Variants in NGB observed in about 807,000 individuals in gnomAD.
The protein encoded by NGB is nitrite reductase.
In NGB, 12 loss-of-function variants were observed where a neutral mutation model predicts 17.3. The observed-to-expected ratio is 0.69, with a 90% CI of 0.45 to 1.13. NGB has a LOEUF of 1.13. Ranked by LOEUF, NGB falls within the 50% of genes most tolerant of loss-of-function variation. The probability of loss-of-function intolerance (pLI) is 0.00; values close to 1 mark genes in which losing one functional copy is unlikely to be tolerated. For missense variants in NGB, 195 were observed against 191.7 expected, an observed-to-expected ratio of 1.02 and a Z score of -0.10; for synonymous variants, 87 against 81.0, an observed-to-expected ratio of 1.07 and a Z score of -0.40.
At chr14:77,268,036 G>C (rs112108588) in intron 3 of NGB, among the ~76,000 whole-genome samples, 5 of 152,334 alleles carry the variant, frequency 3.3e-5, no homozygotes, top group African/African-American at 1.2e-4. Context: ...AGAGCTCAAA[G>C]GCTGACAGGC....
chr14:77,267,786 G>T (rs896528671), intron 3 of NGB, among the ~76,000 whole-genome samples: 1 of 152,056 alleles, frequency 6.6e-6, no homozygotes, highest in Non-Finnish European at 1.5e-5. Context: ...CATATCAGTC[G>T]CCCCCAGTGG....
chr14:77,267,360 G>A (rs1033262863), intron 3 of NGB, among the ~76,000 whole-genome samples: 4 of 152,048 alleles, frequency 2.6e-5, no homozygotes, highest in African/African-American at 9.7e-5. Flanking sequence ...GGTAAACATG[G>A]GAAAACTCCA....
rs755820543 is a variant in NGB, at chr14:77,268,554, T to C, written c.233A>G (p.Asn78Ser). Residue 78 changes from asparagine to serine, a missense_variant, in exon 3 of 4, where the codon AAT becomes AGT. Coordinates refer to ENST00000298352, the MANE Select transcript of NGB (RefSeq NM_021257.4). Reference sequence around the variant, plus strand: ...CTCCAGTGAGGACAGGTCTTCCACATTGGTCACTGCAGCATCAATCACGAG... The same window carrying C: ...CTCCAGTGAGGACAGGTCTTCCACACTGGTCACTGCAGCATCAATCACGAG... ...VMLVIDAAVT[N>S]VEDLSSLEEY... 6 of 1,613,236 alleles carry C rather than the reference T, an allele frequency of 3.7e-6. No homozygotes were observed. The highest frequency in any genetic ancestry group is 4.2e-6 in the Non-Finnish European group (5 of 1,179,936).
rs1253308027 is a variant in NGB, at chr14:77,269,310, G to A, written c.106C>T (p.Pro36Ser). The A allele has an allele frequency of 6.4e-7, 1 of 1,550,848 alleles. No homozygotes were observed. The highest frequency in any genetic ancestry group is 8.7e-7 in the Non-Finnish European group (1 of 1,146,290). Residue 36 changes from proline (P) to serine (S), a missense_variant, in exon 2 of 4, where the codon CCT (proline) becomes TCT (serine). Transcript: ENST00000298352. ...TACTGGAAGAGGGGCAGCAGGTCAG[G>A]CTCCAGGGCAAACAGCCTGTGGGAG... ...VLFARLFALEPDLLPLFQYNC... is the reference protein window; with the variant it reads ...VLFARLFALESDLLPLFQYNC...
chr14:77,269,341 C>A lies in NGB; in HGVS notation c.90-15G>T. 1.3e-6 allele frequency: 2 copies of A among 1,523,166 alleles called. No individual in the cohort carries two copies. Among genetic ancestry groups the A allele is most frequent in the Non-Finnish European group, 1.8e-6 (2 of 1,121,512 alleles). 94.4% of individuals were successfully genotyped at this position (1,523,166 alleles called of 1,614,324 possible). On this transcript the variant is annotated splice_polypyrimidine_tract_variant and intron_variant, in intron 1 of 3. Transcript: ENST00000298352. ...GGGCAAACAGCCTGTGGGAGTGAGG[C>A]CCAGGTGTTAGCCCTGGGGTGTGAG...
chr14:77,269,607 G>T (rs1349346120), intron 1 of NGB, among the ~76,000 whole-genome samples: 1 of 151,366 alleles, frequency 6.6e-6, no homozygotes, highest in Non-Finnish European at 1.5e-5. Flanking sequence ...GTGTGATTTG[G>T]GACAGGAAGA....
Position 77,271,141 on chromosome 14 carries a change from A to T in NGB, c.-204T>A, listed in dbSNP as rs545875706. On this transcript the variant is annotated 5_prime_UTR_variant, in exon 1 of 4. Coordinates refer to ENST00000298352, the MANE Select transcript of NGB (RefSeq NM_021257.4). ...GGCCAGTCGTAGGTGGAGACACCCC[A>T]GCTGTGCTTCCGGGGACCCCGCTTG... 2.6e-5 allele frequency: 12 copies of T among 461,530 alleles called. No homozygotes were observed. The South Asian group carries it at 2.9e-4, about 11-fold the overall frequency. 28.6% of individuals were successfully genotyped at this position (461,530 alleles called of 1,614,324 possible). A position where few individuals can be genotyped will look rare whatever the true frequency, so the allele number is the denominator to read the frequency against.
At chr14:77,268,652 C>T (rs372024312) in intron 2 of NGB, 67 bp from the exon 3 acceptor site, 2 of 1,596,096 alleles carry the variant, frequency 1.3e-6, no homozygotes, top group African/African-American at 2.7e-5. Context: ...CAATCACAGC[C>T]CAAGGCATGA....
rs1889770413 is a variant in NGB at position 77,271,041 on chromosome 14, T to C, written c.-104A>G. ...TCCGCGACGCGGTCCCCTCCGCCCCTCGTACGCCCCCCGTGCCTCCGCCCG... is the reference window on the plus strand; with the variant it reads ...TCCGCGACGCGGTCCCCTCCGCCCCCCGTACGCCCCCCGTGCCTCCGCCCG... On this transcript the variant is annotated 5_prime_UTR_variant, in exon 1 of 4. Coordinates refer to ENST00000298352, the MANE Select transcript of NGB (RefSeq NM_021257.4). 2.5e-6 allele frequency: 2 copies of C among 810,418 alleles called. No homozygotes were observed. Among genetic ancestry groups the C allele is most frequent in the South Asian group, 4.1e-5 (2 of 48,262 alleles). 50.2% of individuals were successfully genotyped at this position (810,418 alleles called of 1,614,324 possible).
chr14:77,268,471 A>G lies in NGB; in HGVS notation c.316T>C (p.Phe106Leu). ...HRAVGVKLSSFSTVGESLLYM... is the reference protein window; with the variant it reads ...HRAVGVKLSSLSTVGESLLYM... ...GTCAGAGCTCCTTTACCCACCGAGA[A>G]GGAGCTGAGCTTCACACCCACTGCC... Residue 106 changes from phenylalanine (F) to leucine (L), a missense_variant, in exon 3 of 4, where the codon TTC (phenylalanine) becomes CTC (leucine). Coordinates refer to ENST00000298352, the MANE Select transcript of NGB (RefSeq NM_021257.4). The G allele has an allele frequency of 6.2e-7, 1 of 1,612,170 alleles. No homozygotes were observed. The highest frequency in any genetic ancestry group is 1.1e-5 in the South Asian group (1 of 91,038).
At position 77,269,176 on chromosome 14, in the gene NGB, T is replaced by A. The variant is rs936446183; in HGVS notation, c.201+39A>T. ...ATTCTCCACCAGGGAGGTGCTCTGC[T>A]GGATCCCAGAGGTCACAGCAGCTCT... On this transcript the variant is annotated intron_variant, in intron 2 of 3. Coordinates refer to ENST00000298352, the MANE Select transcript of NGB (RefSeq NM_021257.4). 1.1e-5 allele frequency: 14 copies of A among 1,325,832 alleles called. No homozygotes were observed. The African/African-American group carries it at 1.3e-4, about 12-fold the overall frequency. 82.1% of individuals were successfully genotyped at this position (1,325,832 alleles called of 1,614,324 possible).
intron 3 of NGB, 60 bp from the exon 4 acceptor site, chr14:77,266,730 C>G: frequency 6.3e-7 from 1 of 1,585,892 alleles, no homozygotes; most frequent in East Asian, 2.2e-5. Flanking sequence ...CTCCATTCCA[C>G]AGGTGAGAAA....
In NGB at chr14:77,265,951, A is replaced by G. The variant is rs908380881; in HGVS notation, c.*585T>C. On this transcript the variant is annotated 3_prime_UTR_variant, in exon 4 of 4. Transcript: ENST00000298352. The surrounding 1 kb of genome is among the most constrained non-coding windows in gnomAD (Gnocchi z 4.7). ...GCATCTGCACAGCCCGCGAGACTCA[A>G]ATGAGACCCATTGAGACCCAGGTCC... 10 of 267,436 alleles carry G rather than the reference A, an allele frequency of 3.7e-5. No homozygotes were observed. The highest frequency in any genetic ancestry group is 2.0e-4 in the African/African-American group (9 of 45,908). The allele number at this position is 267,436 out of a possible 1,614,324, so 16.6% of individuals were successfully genotyped here.
At chr14:77,270,066 G>A (rs1390012730) in intron 1 of NGB, among the ~76,000 whole-genome samples, 2 of 151,920 alleles carry the variant, frequency 1.3e-5, no homozygotes, top group Admixed American at 6.6e-5. Flanking sequence ...GGTCTCACCG[G>A]GTAACTGAAT....
At chr14:77,269,825 G>A (rs1364227625) in intron 1 of NGB, among the ~76,000 whole-genome samples, 10 of 58,730 alleles carry the variant, frequency 1.7e-4, no homozygotes, top group Non-Finnish European at 2.6e-4. Context: ...CCCCCCCCCT[G>A]CGCTGAGTAC....
chr14:77,266,796 G>C, intron 3 of NGB, 126 bp from the exon 4 acceptor site: 1 of 1,038,906 alleles, frequency 9.6e-7, no homozygotes, highest in South Asian at 1.7e-5. Flanking sequence ...CCTGCATTGA[G>C]TCCATGCTTC....
rs751738344 is a variant in NGB at position 77,266,522 on chromosome 14, G to C, written c.*14C>G. ...AGACACAGATGGATGGGGGCTGCCG[G>C]GCGGGGTCGCCTCTTACTCGCCATC... On this transcript the variant is annotated 3_prime_UTR_variant, in exon 4 of 4. Transcript: ENST00000298352. 27 of 1,608,514 alleles carry C rather than the reference G, an allele frequency of 1.7e-5. No homozygotes were observed. In the East Asian group the frequency reaches 6.0e-4, roughly 36 times the overall value.
Position 77,270,952 on chromosome 14 carries a change from G to T in NGB, c.-15C>A. The T allele has an allele frequency of 7.9e-6, 12 of 1,518,506 alleles. No individual in the cohort carries two copies. Among genetic ancestry groups the T allele is most frequent in the Non-Finnish European group, 1.1e-5 (12 of 1,137,620 alleles). The allele number at this position is 1,518,506 out of a possible 1,614,324, so 94.1% of individuals were successfully genotyped here. The stretch of plus-strand genomic sequence containing the variant: ...GGGCGCTCCATGCTGTCCCGGGGAC[G>T]CGGAGCGCGGGGCTGGGACCCTCAG... On this transcript the variant is annotated 5_prime_UTR_variant, in exon 1 of 4. Coordinates refer to ENST00000298352, the MANE Select transcript of NGB (RefSeq NM_021257.4).
intron 1 of NGB, 54 bp downstream of exon 1, chr14:77,270,795 T>C (rs1309185308): frequency 6.9e-7 from 1 of 1,453,980 alleles, no homozygotes; most frequent in Non-Finnish European, 9.3e-7. Flanking sequence ...GCGTGACCCC[T>C]TTCCCGCCGA....
Sources: allele counts gnomAD v4.1 joint callset (sites outside exome capture counted in the v4.1 genomes callset), GRCh38; gene constraint gnomAD v4.1.1; non-coding constraint Gnocchi (gnomAD v3.1); transcripts MANE v1.5; gene names NCBI Gene and HGNC (gene_info 2026-07-23, HGNC 2026-07-21).